CNTLN: variants seen among roughly 807,000 people sequenced by gnomAD.
The protein encoded by CNTLN is centlein, centrosomal protein.
Under a neutral mutation model 180.0 loss-of-function variants are expected in CNTLN, and 212 were observed. The observed-to-expected ratio is 1.18, with a 90% CI of 1.05 to 1.32. The LOEUF (loss-of-function observed/expected upper bound fraction) is 1.32, where lower values mean the gene tolerates loss of function less well. Among genes scored for constraint, CNTLN ranks in the 40% most tolerant of loss-of-function variants. CNTLN has a pLI of 0.00. For synonymous variants in CNTLN, 722 were observed against 563.1 expected, an observed-to-expected ratio of 1.28 and a Z score of -3.99; for missense variants, 2,095 against 1,610.9, an observed-to-expected ratio of 1.30 and a Z score of -5.14.
At chr9:17,379,968 C>T (rs1825095741) in intron 13 of CNTLN, among the ~76,000 whole-genome samples, 1 of 152,174 alleles carries the variant, frequency 6.6e-6, no homozygotes, top group Non-Finnish European at 1.5e-5. Context: ...CCCACAATAC[C>T]TCTGTCAAGA....
intron 1 of CNTLN, among the ~76,000 whole-genome samples, chr9:17,140,160 A>G (rs1817986824): frequency 6.6e-6 from 1 of 152,122 alleles, no homozygotes; most frequent in Non-Finnish European, 1.5e-5. Context: ...TTTTTTGTAT[A>G]TGAAAGTTTT....
At chr9:17,358,811 T>C (rs1405508014) in intron 12 of CNTLN, among the ~76,000 whole-genome samples, 1 of 152,158 alleles carries the variant, frequency 6.6e-6, no homozygotes, top group East Asian at 1.9e-4. Context: ...ACAACCAAAA[T>C]AGCAGATGAT....
intron 8 of CNTLN, among the ~76,000 whole-genome samples, chr9:17,317,269 A>C: frequency 6.6e-6 from 1 of 152,200 alleles, no homozygotes; most frequent in East Asian, 1.9e-4. Context: ...CGTACATTTT[A>C]TGGACAGTTT....
chr9:17,383,717 A>G (rs1313128466), intron 13 of CNTLN, among the ~76,000 whole-genome samples: 1 of 151,488 alleles, frequency 6.6e-6, no homozygotes, highest in Non-Finnish European at 1.5e-5. Flanking sequence ...GGCCCACTGC[A>G]AGCTCTGCCT....
At chr9:17,344,238 C>T (rs1821705879) in intron 12 of CNTLN, among the ~76,000 whole-genome samples, 1 of 152,118 alleles carries the variant, frequency 6.6e-6, no homozygotes, top group African/African-American at 2.4e-5. Flanking sequence ...GATCTGTTCA[C>T]TTAGCAATAT....
intron 15 of CNTLN, among the ~76,000 whole-genome samples, chr9:17,396,333 G>C (rs1826519365): frequency 6.6e-6 from 1 of 152,090 alleles, no homozygotes; most frequent in African/African-American, 2.4e-5. Context: ...CCCTCTCTTG[G>C]GGTCTGGATC....
At chr9:17,256,996 T>C (rs13289731) in intron 5 of CNTLN, among the ~76,000 whole-genome samples, 32,851 of 151,568 alleles carry the variant, frequency 0.22, 4,637 homozygotes, top group African/African-American at 0.41. Context: ...ATTATTATAC[T>C]TTAAGTTTTA....
intron 2 of CNTLN, among the ~76,000 whole-genome samples, chr9:17,214,387 C>A (rs149931790): frequency 2.7e-4 from 41 of 152,220 alleles, no homozygotes; most frequent in Admixed American, 5.2e-4. Flanking sequence ...TAGGCACCCA[C>A]TCTCTTCTGG....
At chr9:17,279,785 C>G (rs1390378230) in intron 6 of CNTLN, among the ~76,000 whole-genome samples, 1 of 152,114 alleles carries the variant, frequency 6.6e-6, no homozygotes, top group Non-Finnish European at 1.5e-5. Context: ...AATATTTGTC[C>G]CATCCAAAGT....
rs575891219 is a variant in CNTLN at position 17,455,463 on chromosome 9, T to A, written c.3115-2061T>A. The stretch of plus-strand genomic sequence containing the variant: ...ATGCATGTCTTTTAGAAGAATGTAT[T>A]TATTGACTTGGTCTTTCCTCAGTGG... On this transcript the variant is annotated intron_variant, in intron 18 of 25. Coordinates refer to ENST00000380647, the MANE Select transcript of CNTLN (RefSeq NM_017738.4). 3.0e-4 allele frequency among the ~76,000 whole-genome samples: 46 copies of A among 152,300 alleles called. No homozygotes were observed. In the South Asian group the frequency reaches 6.0e-3, roughly 20 times the overall value.
intron 3 of CNTLN, 84 bp downstream of exon 3, chr9:17,226,371 T>C (rs1275456700): frequency 5.7e-6 from 4 of 706,504 alleles, no homozygotes; most frequent in Non-Finnish European, 8.8e-6. Context: ...TTTTTTGCAA[T>C]AGTGTTTATT....
chr9:17,151,103 T>C (rs983887978), intron 2 of CNTLN, among the ~76,000 whole-genome samples: 4 of 152,168 alleles, frequency 2.6e-5, no homozygotes, highest in Admixed American at 6.5e-5. Flanking sequence ...CAGAGACAAA[T>C]TGACTTCCTC....
the CNTLN span, among the ~76,000 whole-genome samples, chr9:17,520,273 A>T: frequency 6.6e-6 from 1 of 152,234 alleles, no homozygotes; most frequent in Non-Finnish European, 1.5e-5. Flanking sequence ...CAGAAAACAG[A>T]GCCACTGCAA....
intron 2 of CNTLN, among the ~76,000 whole-genome samples, chr9:17,152,210 A>G (rs1586926459): frequency 6.6e-6 from 1 of 151,818 alleles, no homozygotes; most frequent in Non-Finnish European, 1.5e-5. Context: ...TAGCTTTTGA[A>G]TTTGTTTGCT....
intron 18 of CNTLN, among the ~76,000 whole-genome samples, chr9:17,442,336 A>G (rs536037512): frequency 6.6e-6 from 1 of 152,352 alleles, no homozygotes; most frequent in Admixed American, 6.5e-5. Context: ...TCATAATGGT[A>G]TGAAGCTAAA....
At chr9:17,216,725 C>T (rs2132018135) in intron 2 of CNTLN, among the ~76,000 whole-genome samples, 1 of 152,276 alleles carries the variant, frequency 6.6e-6, no homozygotes, top group South Asian at 2.1e-4. Context: ...CCACCTCCCT[C>T]CTGCTCCTTT....
intron 23 of CNTLN, among the ~76,000 whole-genome samples, chr9:17,479,262 A>G (rs2134283368): frequency 6.6e-6 from 1 of 152,368 alleles, no homozygotes. Flanking sequence ...TTGCAGGACT[A>G]GTCACAACAG....
At chr9:17,432,904 C>G (rs1177701892) in intron 18 of CNTLN, among the ~76,000 whole-genome samples, 1 of 151,058 alleles carries the variant, frequency 6.6e-6, no homozygotes, top group Non-Finnish European at 1.5e-5. Context: ...GCCTGTAATC[C>G]TAGCTACTCA....
intron 23 of CNTLN, among the ~76,000 whole-genome samples, chr9:17,480,981 G>T (rs1832614020): frequency 6.6e-6 from 1 of 152,134 alleles, no homozygotes; most frequent in Admixed American, 6.5e-5. Context: ...TAGACAGGGA[G>T]CCAAGCTGAC....
Sources: allele counts gnomAD v4.1 joint callset (sites outside exome capture counted in the v4.1 genomes callset), GRCh38; gene constraint gnomAD v4.1.1; transcripts MANE v1.5; gene names NCBI Gene and HGNC (gene_info 2026-07-23, HGNC 2026-07-21).